The following RIOX2 variants were observed in gnomAD, a reference collection of about 807,000 sequenced individuals.
The protein encoded by RIOX2 is ribosomal oxygenase 2.
A neutral mutation model predicts 51.2 loss-of-function variants in RIOX2; 43 were observed. That is an observed-to-expected ratio of 0.84 (90% CI 0.66 to 1.08). The LOEUF (loss-of-function observed/expected upper bound fraction) is 1.08. RIOX2 is among the 50% of genes least tolerant of loss of function. The pLI is 0.00. For synonymous variants in RIOX2, 226 were observed against 218.5 expected, an observed-to-expected ratio of 1.03 and a Z score of -0.30; for missense variants, 566 against 561.7, an observed-to-expected ratio of 1.01 and a Z score of -0.08.
chr3:97,969,310 C>G (rs549056965), intron 1 of RIOX2, among the ~76,000 whole-genome samples: 2 of 152,300 alleles, frequency 1.3e-5, no homozygotes, highest in East Asian at 3.9e-4. Flanking sequence ...AACAGACCAG[C>G]TTGAATTCTC....
At chr3:97,950,992 T>C in intron 5 of RIOX2, 104 bp from the exon 6 acceptor site, 1 of 774,274 alleles carries the variant, frequency 1.3e-6, no homozygotes, top group South Asian at 1.6e-5. Context: ...CAAATTGGAT[T>C]ATGGCTTCCC....
Position 97,967,235 on chromosome 3 carries a change from T to C in RIOX2, c.359A>G (p.His120Arg). The change falls in exon 2 of 10, where the codon CAC becomes CGC. Residue 120 changes from histidine to arginine, a missense_variant. By Grantham distance (29) the His-to-Arg change is conservative (BLOSUM62 0). Transcript: ENST00000394198. ...KKVLNKDGKA[H>R]FLQLRKDFDQ... is the part of the protein sequence containing the mutation. ...AAAATCTTTTCTCAGCTGAAGAAAG[T>C]GTGCTTTGCCATCTTTATTTAAAAC... 6.2e-7 allele frequency: 1 copy of C among 1,614,230 alleles called. No individual in the cohort carries two copies. Among genetic ancestry groups the C allele is most frequent in the Non-Finnish European group, 8.5e-7 (1 of 1,180,046 alleles).
chr3:97,968,602 T>A (rs1705994056), intron 1 of RIOX2, among the ~76,000 whole-genome samples: 1 of 152,198 alleles, frequency 6.6e-6, no homozygotes, highest in African/African-American at 2.4e-5. Flanking sequence ...CTTGCAAAGC[T>A]CCTTCAGAAC....
intron 7 of RIOX2, 121 bp from the exon 8 acceptor site, chr3:97,947,570 G>T: frequency 2.8e-6 from 2 of 718,852 alleles, no homozygotes; most frequent in Non-Finnish European, 2.5e-6. Flanking sequence ...TCCAAACATG[G>T]CATACACTCC....
chr3:97,967,910 C>T (rs1460430928), intron 1 of RIOX2, among the ~76,000 whole-genome samples: 3 of 152,122 alleles, frequency 2.0e-5, no homozygotes, highest in Non-Finnish European at 4.4e-5. Flanking sequence ...ATTTATTAGG[C>T]AGTATAATTA....
rs188807759 is a variant in RIOX2 at position 97,957,240 on chromosome 3, T to C, written c.681+1811A>G. On this transcript the variant is annotated intron_variant, in intron 4 of 9. Coordinates refer to ENST00000394198, the MANE Select transcript of RIOX2 (RefSeq NM_153182.4). ...TGGGCCAGGCGCAGTGGCTCACGCCTGTAATCCCAGCACTTTGGGAGGCCG... is the reference window on the plus strand; with the variant it reads ...TGGGCCAGGCGCAGTGGCTCACGCCCGTAATCCCAGCACTTTGGGAGGCCG... 3.3e-3 allele frequency among the ~76,000 whole-genome samples: 495 copies of C among 152,290 alleles called. 4 individuals are homozygous for C. The highest frequency in any genetic ancestry group is 8.7e-3 in the South Asian group (42 of 4,826).
chr3:97,960,223 G>A (rs1705624818), intron 3 of RIOX2, among the ~76,000 whole-genome samples: 1 of 152,174 alleles, frequency 6.6e-6, no homozygotes, highest in Non-Finnish European at 1.5e-5. Context: ...AGAAAAAGTT[G>A]AATTGCTTGA....
intron 2 of RIOX2, among the ~76,000 whole-genome samples, chr3:97,961,979 G>C (rs530496442): frequency 6.6e-4 from 101 of 152,284 alleles, no homozygotes; most frequent in African/African-American, 2.4e-3. Flanking sequence ...TTTAAGCAGG[G>C]AAGGACACAA....
At position 97,943,339 on chromosome 3, in the gene RIOX2, C is replaced by T. The variant is rs766806960; in HGVS notation, c.*1845G>A. On this transcript the variant is annotated 3_prime_UTR_variant, in exon 10 of 10. Coordinates refer to ENST00000394198, the MANE Select transcript of RIOX2 (RefSeq NM_153182.4). ...AGAGAATCAACATCCCTAGAAAGAT[C>T]CCTAGAAAGAGCAAAGAAGGAAACA... 2 of 1,331,898 alleles carry T rather than the reference C, an allele frequency of 1.5e-6. No homozygotes were observed. Among genetic ancestry groups the T allele is most frequent in the Admixed American group, 3.5e-5 (2 of 57,566 alleles). 82.5% of individuals were successfully genotyped at this position (1,331,898 alleles called of 1,614,324 possible). A position where few individuals can be genotyped will look rare whatever the true frequency, so the allele number is the denominator to read the frequency against.
chr3:97,943,621 A>C lies in RIOX2; in HGVS notation c.*1563T>G. The stretch of plus-strand genomic sequence containing the variant: ...TTTTCTCTCATATCCACCAAACGTG[A>C]ATCCTGTTCCTGATGGCCCGTTATT... On this transcript the variant is annotated 3_prime_UTR_variant, in exon 10 of 10. Coordinates refer to ENST00000394198, the MANE Select transcript of RIOX2 (RefSeq NM_153182.4). The C allele has an allele frequency of 3.3e-6, 1 of 305,512 alleles. No homozygotes were observed. The highest frequency in any genetic ancestry group is 6.0e-6 in the Non-Finnish European group (1 of 167,614). The allele number at this position is 305,512 out of a possible 1,614,324, so 18.9% of individuals were successfully genotyped here.
intron 4 of RIOX2, among the ~76,000 whole-genome samples, chr3:97,957,049 G>A (rs1705476183): frequency 1.3e-5 from 2 of 152,122 alleles, no homozygotes; most frequent in African/African-American, 2.4e-5. Context: ...TGAACTGCAC[G>A]GGCTGCCACT....
chr3:97,958,409 G>A (rs1032872369), intron 4 of RIOX2, among the ~76,000 whole-genome samples: 1 of 152,102 alleles, frequency 6.6e-6, no homozygotes, highest in Non-Finnish European at 1.5e-5. Flanking sequence ...CTGGGGATTG[G>A]CTATGTTCCC....
Position 97,967,279 on chromosome 3 carries a change from ACACCGG to A in RIOX2, c.309_314del (p.Arg104_Cys105del), listed in dbSNP as rs1559765623. ...TTAAAACCTTCTTCTTCCCATTGAC[ACACCGG>A]CAGACATTCACATCTCTTCCATAGT... On this transcript the variant is annotated inframe_deletion, in exon 2 of 10. Coordinates refer to ENST00000394198, the MANE Select transcript of RIOX2 (RefSeq NM_153182.4). 5.6e-6 allele frequency: 9 copies of A among 1,614,052 alleles called. No homozygotes were observed. The highest frequency in any genetic ancestry group is 7.6e-6 in the Non-Finnish European group (9 of 1,180,044).
In RIOX2 at chr3:97,949,824, A is replaced by G. The variant is rs1263212345; in HGVS notation, c.1060+20T>C. 1 of 1,610,682 alleles carries G rather than the reference A, an allele frequency of 6.2e-7. No homozygotes were observed. Among genetic ancestry groups the G allele is most frequent in the Admixed American group, 1.7e-5 (1 of 59,522 alleles). ...CCTGCATTAGCCTCTGACCACCCAG[A>G]AGAAAACAGCAAGCTCCACCTGGTG... On this transcript the variant is annotated intron_variant, in intron 7 of 9. Transcript: ENST00000394198.
chr3:97,968,949 G>A (rs1363921323), intron 1 of RIOX2, among the ~76,000 whole-genome samples: 8 of 152,184 alleles, frequency 5.3e-5, no homozygotes. Context: ...CAGCTACACT[G>A]TAGACTAAGT....
intron 5 of RIOX2, 100 bp from the exon 6 acceptor site, chr3:97,950,988 G>T: frequency 1.3e-6 from 1 of 787,686 alleles, no homozygotes; most frequent in Non-Finnish European, 2.1e-6. Context: ...GCTACAAATT[G>T]GATTATGGCT....
chr3:97,950,515 CCGTA>C (rs1279694888), intron 6 of RIOX2, among the ~76,000 whole-genome samples: 1 of 152,226 alleles, frequency 6.6e-6, no homozygotes, highest in African/African-American at 2.4e-5. Flanking sequence ...GTTCTCCTGG[CCGTA>C]CTATTCATTT....
At chr3:97,952,751 G>A (rs1705296330) in intron 5 of RIOX2, among the ~76,000 whole-genome samples, 1 of 152,158 alleles carries the variant, frequency 6.6e-6, no homozygotes, top group Admixed American at 6.5e-5. Context: ...GTAGCCTGGA[G>A]TTTCTAGGAC....
rs986780651 is a variant in RIOX2 at position 97,958,968 on chromosome 3, A to C, written c.681+83T>G. 2.8e-6 allele frequency: 4 copies of C among 1,449,912 alleles called. No individual in the cohort carries two copies. The African/African-American group carries it at 5.7e-5, about 21-fold the overall frequency. The allele number at this position is 1,449,912 out of a possible 1,614,324, so 89.8% of individuals were successfully genotyped here. The stretch of plus-strand genomic sequence containing the variant: ...CACGGGGACCATCACACGAACTCTA[A>C]ACCTTGAGCCTGAACTTGTCTTAGC... On this transcript the variant is annotated intron_variant, in intron 4 of 9. Transcript: ENST00000394198.
Sources: allele counts gnomAD v4.1 joint callset (sites outside exome capture counted in the v4.1 genomes callset), GRCh38; gene constraint gnomAD v4.1.1; transcripts MANE v1.5; gene names NCBI Gene and HGNC (gene_info 2026-07-23, HGNC 2026-07-21).